RBMS1: variants seen among roughly 807,000 people sequenced by gnomAD.
RBMS1 encodes the protein RNA-binding motif, single-stranded-interacting protein 1.
In RBMS1, 17 loss-of-function variants were observed where a neutral mutation model predicts 62.3. That is an observed-to-expected ratio of 0.27 (90% confidence interval 0.19 to 0.41). The LOEUF is 0.41. RBMS1 is among the 10% of genes least tolerant of loss of function. The probability of loss-of-function intolerance (pLI) is 1.00; values close to 1 mark genes in which losing one functional copy is unlikely to be tolerated. For synonymous variants in RBMS1, 172 were observed against 170.0 expected, an observed-to-expected ratio of 1.01 and a Z score of -0.09; for missense variants, 334 against 504.5, an observed-to-expected ratio of 0.66 and a Z score of 3.24.
intron 1 of RBMS1, among the ~76,000 whole-genome samples, chr2:160,473,314 T>C (rs1475923953): frequency 6.6e-6 from 1 of 152,200 alleles, no homozygotes; most frequent in Non-Finnish European, 1.5e-5. Context: ...GTGTTAAGGC[T>C]AGAAATAGAA....
At chr2:160,458,911 A>C (rs1684355668) in intron 1 of RBMS1, among the ~76,000 whole-genome samples, 1 of 152,140 alleles carries the variant, frequency 6.6e-6, no homozygotes, top group African/African-American at 2.4e-5. Flanking sequence ...CTTACACTGC[A>C]TTCACTTTAG....
intron 6 of RBMS1, among the ~76,000 whole-genome samples, chr2:160,300,119 G>A (rs1689133139): frequency 6.6e-6 from 1 of 152,182 alleles, no homozygotes; most frequent in South Asian, 2.1e-4. Flanking sequence ...TGAATAAACA[G>A]TGAAAAGAGA....
In RBMS1 at chr2:160,417,902, G is replaced by C. The variant is rs187892895; in HGVS notation, c.76-50511C>G. The stretch of plus-strand genomic sequence containing the variant: ...TCAGTTTTTCCAAGGAGATCTGACA[G>C]TGTGTCTTACAAGTAGTGGGCACAG... On this transcript the variant is annotated intron_variant, in intron 1 of 13. Transcript: ENST00000348849. 3.5e-4 allele frequency among the ~76,000 whole-genome samples: 54 copies of C among 152,278 alleles called. No individual in the cohort carries two copies. The East Asian group carries it at 8.3e-3, about 23-fold the overall frequency.
intron 1 of RBMS1, among the ~76,000 whole-genome samples, chr2:160,409,493 T>G (rs983387008): frequency 6.6e-6 from 1 of 152,228 alleles, no homozygotes; most frequent in Non-Finnish European, 1.5e-5. Context: ...TTGACTTCCC[T>G]TTTGCTGTCT....
At chr2:160,418,870 G>C (rs1031977509) in intron 1 of RBMS1, among the ~76,000 whole-genome samples, 1 of 152,080 alleles carries the variant, frequency 6.6e-6, no homozygotes, top group Non-Finnish European at 1.5e-5. Flanking sequence ...ATATAGCCAA[G>C]CCTCTAACAC....
intron 2 of RBMS1, among the ~76,000 whole-genome samples, chr2:160,322,976 GTCA>G (rs558419352): frequency 6.3e-4 from 96 of 152,260 alleles, no homozygotes; most frequent in African/African-American, 2.2e-3. Context: ...GTTCACAGTA[GTCA>G]TCATCTCTCT....
chr2:160,482,053 T>G (rs1488356449), intron 1 of RBMS1, among the ~76,000 whole-genome samples: 7 of 152,064 alleles, frequency 4.6e-5, no homozygotes, highest in Admixed American at 4.6e-4. Flanking sequence ...ATTGAAATAA[T>G]CCAAATGCTC....
At chr2:160,445,730 C>T (rs924937654) in intron 1 of RBMS1, among the ~76,000 whole-genome samples, 3 of 152,174 alleles carry the variant, frequency 2.0e-5, no homozygotes, top group African/African-American at 7.2e-5. Context: ...TAAGCAAGAC[C>T]AATCCCCATC....
At chr2:160,493,263 G>C (rs768857877) in intron 1 of RBMS1, 26 bp downstream of exon 1, 1 of 1,608,128 alleles carries the variant, frequency 6.2e-7, no homozygotes. Flanking sequence ...TCCTCCGGCC[G>C]TCACCTCTCC....
chr2:160,367,400 CA>C lies in RBMS1; in HGVS notation c.76-10del. ...GCTGGGACCAGAGACTGCTGGAAAA[CA>C]AAGATCAGGAGCCTTAGTATGCTAG... is the stretch of plus-strand genomic sequence containing the variant. On this transcript the variant is annotated splice_polypyrimidine_tract_variant and intron_variant, in intron 1 of 13. Coordinates refer to ENST00000348849, the MANE Select transcript of RBMS1 (RefSeq NM_016836.4). 6.2e-7 allele frequency: 1 copy of C among 1,613,946 alleles called. No individual in the cohort carries two copies. The highest frequency in any genetic ancestry group is 8.5e-7 in the Non-Finnish European group (1 of 1,179,906).
chr2:160,396,991 G>C (rs1276492103), intron 1 of RBMS1, among the ~76,000 whole-genome samples: 1 of 152,130 alleles, frequency 6.6e-6, no homozygotes, highest in Non-Finnish European at 1.5e-5. Context: ...TGTCTTTCTT[G>C]ATTTCACGTT....
intron 1 of RBMS1, among the ~76,000 whole-genome samples, chr2:160,487,642 C>A (rs1337960807): frequency 6.6e-6 from 1 of 152,194 alleles, no homozygotes; most frequent in Non-Finnish European, 1.5e-5. Context: ...AAATCACCCA[C>A]CAACATTGAT....
intron 2 of RBMS1, among the ~76,000 whole-genome samples, chr2:160,347,886 T>C (rs1208241454): frequency 6.6e-6 from 1 of 152,058 alleles, no homozygotes; most frequent in Non-Finnish European, 1.5e-5. Context: ...TACTTAGTGC[T>C]TTCATATTCA....
At chr2:160,456,232 A>G (rs1684225445) in intron 1 of RBMS1, among the ~76,000 whole-genome samples, 1 of 152,230 alleles carries the variant, frequency 6.6e-6, no homozygotes, top group African/African-American at 2.4e-5. Flanking sequence ...ACTACATGTT[A>G]GGTACTGTGC....
intron 1 of RBMS1, among the ~76,000 whole-genome samples, chr2:160,412,447 A>G (rs1294118570): frequency 6.6e-6 from 1 of 152,218 alleles, no homozygotes; most frequent in Non-Finnish European, 1.5e-5. Flanking sequence ...GCAAGTAGCA[A>G]ACTAGGATTA....
At chr2:160,280,582 T>C (rs545746382) in intron 10 of RBMS1, among the ~76,000 whole-genome samples, 2 of 152,346 alleles carry the variant, frequency 1.3e-5, no homozygotes, top group South Asian at 2.1e-4. Flanking sequence ...TATTGTGAAC[T>C]GTATTGCTTA....
chr2:160,481,291 A>G (rs1434680078), intron 1 of RBMS1, among the ~76,000 whole-genome samples: 1 of 151,970 alleles, frequency 6.6e-6, no homozygotes, highest in Non-Finnish European at 1.5e-5. Flanking sequence ...ACCAAACACA[A>G]ACATTAATTG....
At chr2:160,468,065 C>G (rs1039853886) in intron 1 of RBMS1, among the ~76,000 whole-genome samples, 1 of 152,166 alleles carries the variant, frequency 6.6e-6, no homozygotes, top group Non-Finnish European at 1.5e-5. Context: ...GAGCTTGACT[C>G]TAATCCAGGC....
At chr2:160,404,052 A>T (rs990072020) in intron 1 of RBMS1, among the ~76,000 whole-genome samples, 1 of 152,210 alleles carries the variant, frequency 6.6e-6, no homozygotes, top group Non-Finnish European at 1.5e-5. Context: ...CTCTTTTCAT[A>T]CGATCAGATT....
Sources: gnomAD v4.1 joint callset for allele counts (sites outside exome capture counted in the v4.1 genomes callset) on GRCh38, gnomAD v4.1.1 for gene constraint, MANE v1.5 for transcripts, NCBI Gene and HGNC (gene_info 2026-07-23, HGNC 2026-07-21) for gene names.